The following ALDH1L1 variants were observed in gnomAD, a reference collection of about 807,000 sequenced individuals.
ALDH1L1 encodes the protein cytosolic 10-formyltetrahydrofolate dehydrogenase.
In ALDH1L1, 68 loss-of-function variants were observed where a neutral mutation model predicts 101.1. The observed-to-expected ratio is 0.67, with a 90% CI of 0.55 to 0.82. The LOEUF (loss-of-function observed/expected upper bound fraction) is 0.82, where lower values mean the gene tolerates loss of function less well. Among genes scored for constraint, ALDH1L1 ranks in the 40% least tolerant of loss-of-function variants. The pLI, the probability that ALDH1L1 is intolerant of heterozygous loss-of-function variation, is 0.00. For missense variants in ALDH1L1, 1,087 were observed against 1,172.7 expected (o/e 0.93, Z 1.07); for synonymous variants, 486 against 470.8 (o/e 1.03, Z -0.42).
In ALDH1L1 at chr3:126,143,447, C is replaced by T. The variant is rs181306895; in HGVS notation, c.1076+3388G>A. 2.6e-5 allele frequency among the ~76,000 whole-genome samples: 4 copies of T among 152,284 alleles called. No homozygotes were observed. In the East Asian group the frequency reaches 7.7e-4, roughly 29 times the overall value. ...TATCAAATGGCTCTCAATTTAAAAA[C>T]GTATGAATTATTTCTGGACTTTTCC... On this transcript the variant is annotated intron_variant, in intron 9 of 22. Transcript: ENST00000393434.
intron 17 of ALDH1L1, 110 bp downstream of exon 17, chr3:126,117,895 T>C: frequency 9.2e-7 from 1 of 1,089,918 alleles, no homozygotes; most frequent in Non-Finnish European, 1.3e-6. Context: ...GCCACGGAAG[T>C]GGCTGTGCCC....
intron 1 of ALDH1L1, among the ~76,000 whole-genome samples, chr3:126,187,868 G>T (rs1160047803): frequency 1.3e-5 from 2 of 150,150 alleles, no homozygotes; most frequent in Non-Finnish European, 3.0e-5. Flanking sequence ...CTGAACGAGA[G>T]GTTCGGGTGA....
chr3:126,120,599 T>C (rs1011543784), intron 16 of ALDH1L1, among the ~76,000 whole-genome samples: 4 of 152,164 alleles, frequency 2.6e-5, no homozygotes, highest in Non-Finnish European at 5.9e-5. Context: ...AACTACGGAC[T>C]TCGGGGGATA....
intron 17 of ALDH1L1, chr3:126,115,050 C>A (rs1297945199): frequency 1.5e-5 from 7 of 456,418 alleles, no homozygotes; most frequent in Non-Finnish European, 3.1e-5. Flanking sequence ...AGAGCATGAG[C>A]CTGGCCAGGG....
At chr3:126,113,992 A>G (rs533127689) in intron 18 of ALDH1L1, among the ~76,000 whole-genome samples, 6 of 152,224 alleles carry the variant, frequency 3.9e-5, no homozygotes, top group Non-Finnish European at 7.3e-5. Flanking sequence ...AAGGCTGCCC[A>G]CTAAGTCAGT....
intron 21 of ALDH1L1, among the ~76,000 whole-genome samples, chr3:126,106,841 A>G (rs1945891664): frequency 6.6e-6 from 1 of 152,226 alleles, no homozygotes; most frequent in African/African-American, 2.4e-5. Flanking sequence ...ATGCATGGTA[A>G]CAGACCTTAG....
rs1172988986 is a variant in ALDH1L1, at chr3:126,105,933, GAA to G, written c.2454-10_2454-9del. On this transcript the variant is annotated splice_polypyrimidine_tract_variant and intron_variant, in intron 21 of 22. Transcript: ENST00000393434. Reference sequence around the variant, plus strand: ...AGCACGGCATCCAAGTCCCTGGAGAGAAAGTCCAGGAAGAACTCCCTGAGGGA... The same window carrying G: ...AGCACGGCATCCAAGTCCCTGGAGAGAGTCCAGGAAGAACTCCCTGAGGGA... 2 of 1,610,660 alleles carry G rather than the reference GAA, an allele frequency of 1.2e-6. No homozygotes were observed. Among genetic ancestry groups the G allele is most frequent in the East Asian group, 2.2e-5 (1 of 44,808 alleles).
At chr3:126,171,309 A>G (rs1446286186) in intron 1 of ALDH1L1, among the ~76,000 whole-genome samples, 1 of 152,108 alleles carries the variant, frequency 6.6e-6, no homozygotes. Flanking sequence ...TAAATAAGTA[A>G]AAACAGACTC....
rs530465371 is a variant in ALDH1L1 at position 126,159,416 on chromosome 3, A to G, written c.128-777T>C. 2.7e-3 allele frequency: 1,216 copies of G among 456,644 alleles called. 19 individuals are homozygous for G. The highest frequency in any genetic ancestry group is 0.018 in the South Asian group (1,160 of 64,546). 28.3% of individuals were successfully genotyped at this position (456,644 alleles called of 1,614,324 possible). On this transcript the variant is annotated intron_variant, in intron 2 of 22. Coordinates refer to ENST00000393434, the MANE Select transcript of ALDH1L1 (RefSeq NM_012190.4). ...CTGCTTCCTGCAGTCGCTGTCCCCA[A>G]TAACTTTGGGCTCTCTGCCTTCCAC...
rs901375674 is a variant in ALDH1L1 at position 126,161,111 on chromosome 3, C to T, written c.-23-109G>A. On this transcript the variant is annotated intron_variant, in intron 1 of 22. Coordinates refer to ENST00000393434, the MANE Select transcript of ALDH1L1 (RefSeq NM_012190.4). ...GCACCTGGCCTGCTCTACCCCAGTC[C>T]CCTCTGTGGCTCTGTGGGTGGCAGG... is the stretch of plus-strand genomic sequence containing the variant. 2.3e-6 allele frequency: 3 copies of T among 1,303,608 alleles called. No individual in the cohort carries two copies. The Admixed American group carries it at 7.6e-5, about 33-fold the overall frequency. 80.8% of individuals were successfully genotyped at this position (1,303,608 alleles called of 1,614,324 possible).
chr3:126,167,309 T>C (rs759976286), intron 1 of ALDH1L1, among the ~76,000 whole-genome samples: 1 of 152,148 alleles, frequency 6.6e-6, no homozygotes, highest in African/African-American at 2.4e-5. Flanking sequence ...TGTAAGGTAG[T>C]CTCCTTCTTT....
At chr3:126,144,187 A>T (rs1415453073) in intron 9 of ALDH1L1, among the ~76,000 whole-genome samples, 1 of 152,226 alleles carries the variant, frequency 6.6e-6, no homozygotes, top group Non-Finnish European at 1.5e-5. Flanking sequence ...TGAAAACTAC[A>T]AAACACTGCT....
chr3:126,117,940 A>ATG, intron 17 of ALDH1L1, 65 bp downstream of exon 17: 1 of 1,448,256 alleles, frequency 6.9e-7, no homozygotes. Flanking sequence ...CTCCTGGGAC[A>ATG]GCACTGCCAT....
Position 126,124,283 on chromosome 3 carries a change from A to G in ALDH1L1, c.1888+81T>C, listed in dbSNP as rs1576428384. 8 of 1,288,936 alleles carry G rather than the reference A, an allele frequency of 6.2e-6. No homozygotes were observed. In the South Asian group the frequency reaches 1.2e-4, roughly 19 times the overall value. 79.8% of individuals were successfully genotyped at this position (1,288,936 alleles called of 1,614,324 possible). A position where few individuals can be genotyped will look rare whatever the true frequency, so the allele number is the denominator to read the frequency against. The stretch of plus-strand genomic sequence containing the variant: ...CCCCAGGCTACTCTGCCCTCACGCC[A>G]CTATCCAGTAGGGCCTGCTCTGCCC... On this transcript the variant is annotated intron_variant, in intron 16 of 22. Transcript: ENST00000393434.
chr3:126,136,963 C>G, intron 10 of ALDH1L1, 80 bp from the exon 11 acceptor site: 1 of 1,574,284 alleles, frequency 6.4e-7, no homozygotes, highest in South Asian at 1.2e-5. Context: ...CAGTCACACA[C>G]ACACACTGCC....
chr3:126,110,655 C>T (rs76883428), intron 19 of ALDH1L1, among the ~76,000 whole-genome samples: 8,344 of 152,184 alleles, frequency 0.055, 728 homozygotes, highest in African/African-American at 0.19. Flanking sequence ...CTCTGCACCC[C>T]TAATCAGCCC....
chr3:126,120,263 T>C (rs10934745), intron 16 of ALDH1L1, among the ~76,000 whole-genome samples: 62,325 of 152,076 alleles, frequency 0.41, 12,900 homozygotes, highest in Non-Finnish European at 0.44. Context: ...AAGTAACTGA[T>C]GTGAATCAGA....
chr3:126,148,724 T>C (rs2080750017), intron 8 of ALDH1L1, among the ~76,000 whole-genome samples: 2 of 152,102 alleles, frequency 1.3e-5, no homozygotes, highest in Admixed American at 6.5e-5. Context: ...GTTGTTATCA[T>C]GAATAAACAC....
chr3:126,126,873 A>C lies in ALDH1L1; in HGVS notation c.1695-1152T>G, dbSNP rs190034305. 1.6e-4 allele frequency among the ~76,000 whole-genome samples: 25 copies of C among 152,312 alleles called. No individual in the cohort carries two copies. The East Asian group carries it at 4.6e-3, about 28-fold the overall frequency. On this transcript the variant is annotated intron_variant, in intron 14 of 22. Transcript: ENST00000393434. ...GGGGTGGGCGGGCCCCTAATTTAGG[A>C]GGAATGCTGTCCTCATACAAAGAAC...
Sources: allele counts gnomAD v4.1 joint callset (sites outside exome capture counted in the v4.1 genomes callset), GRCh38; gene constraint gnomAD v4.1.1; transcripts MANE v1.5; gene names NCBI Gene and HGNC (gene_info 2026-07-23, HGNC 2026-07-21).